The following ALK variants were observed in gnomAD, a reference collection of about 807,000 sequenced individuals.
ALK encodes ALK tyrosine kinase receptor.
ALK carries 74 observed loss-of-function variants against 163.1 expected under a neutral mutation model. The observed-to-expected ratio is 0.45, with a 90% CI of 0.38 to 0.55. The LOEUF (loss-of-function observed/expected upper bound fraction) is 0.55, where lower values mean the gene tolerates loss of function less well. ALK is among the 20% of genes least tolerant of loss of function. ALK has a pLI of 0.00. For missense variants in ALK, 2,063 were observed against 2,105.3 expected (o/e 0.98, Z 0.39); for synonymous variants, 960 against 843.2 (o/e 1.14, Z -2.40).
chr2:29,314,670 G>A (rs1666780347), intron 8 of ALK, among the ~76,000 whole-genome samples: 1 of 152,178 alleles, frequency 6.6e-6, no homozygotes, highest in African/African-American at 2.4e-5. Flanking sequence ...CCATGCCTTG[G>A]AGGGGAAAGA....
intron 26 of ALK, among the ~76,000 whole-genome samples, chr2:29,201,665 T>C (rs1257805149): frequency 3.3e-5 from 5 of 151,922 alleles, no homozygotes; most frequent in African/African-American, 1.2e-4. Flanking sequence ...CACGCGTCTG[T>C]AATCCCAGCT....
chr2:29,712,869 A>G (rs1297663066), intron 2 of ALK, among the ~76,000 whole-genome samples: 1 of 152,156 alleles, frequency 6.6e-6, no homozygotes, highest in Non-Finnish European at 1.5e-5. Flanking sequence ...GGATGTTGGG[A>G]AGAATATTTT....
At chr2:29,901,386 T>C (rs1667412243) in intron 1 of ALK, among the ~76,000 whole-genome samples, 1 of 152,186 alleles carries the variant, frequency 6.6e-6, no homozygotes, top group Admixed American at 6.5e-5. Context: ...TCTCAGCAAA[T>C]TGCTTGCAAA....
intron 1 of ALK, among the ~76,000 whole-genome samples, chr2:29,748,219 T>C (rs1370449540): frequency 2.0e-5 from 3 of 152,150 alleles, no homozygotes; most frequent in African/African-American, 7.2e-5. Flanking sequence ...ACCCTGTTAA[T>C]CACATCCTGG....
At chr2:29,478,786 G>C (rs1671589710) in intron 4 of ALK, among the ~76,000 whole-genome samples, 1 of 152,186 alleles carries the variant, frequency 6.6e-6, no homozygotes, top group Admixed American at 6.5e-5. Context: ...TTGAAGGGCA[G>C]GCAGGATTTG....
At chr2:29,579,654 A>G (rs1330418836) in intron 3 of ALK, among the ~76,000 whole-genome samples, 2 of 152,182 alleles carry the variant, frequency 1.3e-5, no homozygotes, top group African/African-American at 4.8e-5. Context: ...AGGCTTCTCC[A>G]AGAGCACCCA....
chr2:29,263,274 G>A (rs1405519926), intron 11 of ALK, among the ~76,000 whole-genome samples: 1 of 152,208 alleles, frequency 6.6e-6, no homozygotes, highest in Non-Finnish European at 1.5e-5. Flanking sequence ...CCTGTTGTAA[G>A]GTTCACTAGC....
chr2:29,873,411 A>G (rs1013886575), intron 1 of ALK, among the ~76,000 whole-genome samples: 12 of 152,264 alleles, frequency 7.9e-5, no homozygotes, highest in Middle Eastern at 3.4e-3. Flanking sequence ...GAGCAACAGA[A>G]GCTGGGGCAG....
chr2:29,507,901 C>T lies in ALK; in HGVS notation c.1154+24014G>A, dbSNP rs550447233. 4.6e-5 allele frequency among the ~76,000 whole-genome samples: 7 copies of T among 152,246 alleles called. No homozygotes were observed. The South Asian group carries it at 8.3e-4, about 18-fold the overall frequency. On this transcript the variant is annotated intron_variant, in intron 4 of 28. Coordinates refer to ENST00000389048, the MANE Select transcript of ALK (RefSeq NM_004304.5). ...CATAATCAGTTATCTTGGCCCCCAG[C>T]GTGGCTCTGCCGGCAGTCAGAGAAT...
intron 1 of ALK, among the ~76,000 whole-genome samples, chr2:29,724,443 T>G (rs1231355029): frequency 2.0e-5 from 3 of 152,224 alleles, no homozygotes; most frequent in Non-Finnish European, 2.9e-5. Flanking sequence ...GGCCTGTTTT[T>G]GGGACTGGCA....
intron 4 of ALK, among the ~76,000 whole-genome samples, chr2:29,518,528 T>C (rs1672731608): frequency 6.6e-6 from 1 of 152,196 alleles, no homozygotes; most frequent in East Asian, 1.9e-4. Flanking sequence ...TTCCTAACGG[T>C]GTCAACTTTA....
intron 4 of ALK, among the ~76,000 whole-genome samples, chr2:29,450,964 G>A (rs554918204): frequency 6.6e-6 from 1 of 152,114 alleles, no homozygotes; most frequent in Non-Finnish European, 1.5e-5. Context: ...TAAGCTGCTC[G>A]AGGTGACTTT....
In ALK at chr2:29,197,649, G is replaced by T. The variant is rs2148143567; in HGVS notation, c.3966C>A (p.Ile1322=). 6.2e-7 allele frequency: 1 copy of T among 1,614,008 alleles called. No homozygotes were observed. The highest frequency in any genetic ancestry group is 8.5e-7 in the Non-Finnish European group (1 of 1,180,006). The change falls in exon 27 of 29, where the codon ATC becomes ATA. Residue 1322 remains isoleucine (I), a synonymous_variant. Coordinates refer to ENST00000389048, the MANE Select transcript of ALK (RefSeq NM_004304.5). ...GGTATGGCATATATCCAAGAGAAAA[G>T]ATTTCCCATAGCAGCACTCCAAAGG... The part of the protein sequence containing the change: ...TWSFGVLLWE[I]FSLGYMPYPS...
intron 11 of ALK, among the ~76,000 whole-genome samples, chr2:29,264,902 G>A (rs191920027): frequency 7.9e-5 from 12 of 152,242 alleles, no homozygotes; most frequent in African/African-American, 2.9e-4. Flanking sequence ...GGCTTCTGAG[G>A]AGCTGGCGCA....
At chr2:29,794,219 C>T (rs1055086010) in intron 1 of ALK, among the ~76,000 whole-genome samples, 1 of 152,148 alleles carries the variant, frequency 6.6e-6, no homozygotes, top group Admixed American at 6.5e-5. Context: ...CCAACCTCTG[C>T]TAGCTTCCAA....
At chr2:29,830,616 C>T (rs1322196975) in intron 1 of ALK, among the ~76,000 whole-genome samples, 2 of 147,672 alleles carry the variant, frequency 1.4e-5, no homozygotes, top group African/African-American at 5.0e-5. Context: ...TACCTGTAAT[C>T]CCAGTGACTC....
intron 3 of ALK, among the ~76,000 whole-genome samples, chr2:29,633,310 G>A (rs951630816): frequency 1.3e-5 from 2 of 152,106 alleles, no homozygotes; most frequent in African/African-American, 2.4e-5. Flanking sequence ...GGAGGTGTGG[G>A]AGAGATTTAC....
intron 4 of ALK, among the ~76,000 whole-genome samples, chr2:29,460,282 C>A (rs1558334195): frequency 6.6e-6 from 1 of 152,158 alleles, no homozygotes; most frequent in Non-Finnish European, 1.5e-5. Flanking sequence ...TGCCATGCTG[C>A]TTTCTTCTTA....
At chr2:29,212,960 C>T (rs1480919584) in intron 24 of ALK, among the ~76,000 whole-genome samples, 2 of 152,234 alleles carry the variant, frequency 1.3e-5, no homozygotes, top group Non-Finnish European at 1.5e-5. Flanking sequence ...CCGCCTCAGC[C>T]TCCCAAAGTG....
Sources: gnomAD v4.1 joint callset for allele counts (sites outside exome capture counted in the v4.1 genomes callset) on GRCh38, gnomAD v4.1.1 for gene constraint, MANE v1.5 for transcripts, NCBI Gene and HGNC (gene_info 2026-07-23, HGNC 2026-07-21) for gene names.